The following NAMPT variants were observed in gnomAD, a reference collection of about 807,000 sequenced individuals.
The protein encoded by NAMPT is nicotinamide phosphoribosyltransferase, also known as NAmPRTase.
A neutral mutation model predicts 58.7 loss-of-function variants in NAMPT; 7 were observed. The ratio of observed to expected loss-of-function variants is 0.12; its 90% confidence interval spans 0.07 to 0.22. The LOEUF (loss-of-function observed/expected upper bound fraction) is 0.22, where lower values mean the gene tolerates loss of function less well. NAMPT is among the 10% of genes least tolerant of loss of function. The pLI, the probability that NAMPT is intolerant of heterozygous loss-of-function variation, is 1.00. For missense variants in NAMPT, 271 were observed against 567.9 expected, an observed-to-expected ratio of 0.48 and a Z score of 5.31; for synonymous variants, 145 against 198.1, an observed-to-expected ratio of 0.73 and a Z score of 2.25.
intron 4 of NAMPT, chr7:106,271,771 C>T (rs34056375): frequency 0.28 from 42,648 of 152,142 alleles, 6,849 homozygotes; most frequent in South Asian, 0.45. Flanking sequence ...TTACTTTAAC[C>T]GATAAACTAA....
chr7:106,264,931 A>AT (rs1792382667), intron 6 of NAMPT, among the ~76,000 whole-genome samples: 1 of 151,840 alleles, frequency 6.6e-6, no homozygotes, highest in Non-Finnish European at 1.5e-5. Flanking sequence ...CATACTGTCA[A>AT]TGGTATACCT....
At chr7:106,266,295 T>G (rs1477634057) in intron 6 of NAMPT, among the ~76,000 whole-genome samples, 2 of 152,202 alleles carry the variant, frequency 1.3e-5, no homozygotes, top group African/African-American at 4.8e-5. Flanking sequence ...CCACATACAG[T>G]ATCCTTTTCA....
At chr7:106,260,942 A>G (rs1270381041) in intron 8 of NAMPT, among the ~76,000 whole-genome samples, 1 of 152,194 alleles carries the variant, frequency 6.6e-6, no homozygotes, top group Non-Finnish European at 1.5e-5. Context: ...TAACAGATAT[A>G]ATGACAAAGT....
chr7:106,255,087 T>G (rs1396717133), intron 8 of NAMPT, among the ~76,000 whole-genome samples: 1 of 152,234 alleles, frequency 6.6e-6, no homozygotes, highest in Non-Finnish European at 1.5e-5. Flanking sequence ...AACAAAATTA[T>G]GCACAGGTGC....
upstream of NAMPT, chr7:106,285,039 G>A (rs780301707): frequency 7.9e-6 from 11 of 1,387,196 alleles, no homozygotes; most frequent in South Asian, 1.5e-5. Flanking sequence ...AGGGGTCAGA[G>A]GAGGGCGGGC....
At chr7:106,273,748 A>G (rs1295685533) in intron 3 of NAMPT, among the ~76,000 whole-genome samples, 1 of 152,174 alleles carries the variant, frequency 6.6e-6, no homozygotes, top group Non-Finnish European at 1.5e-5. Context: ...GAAATGGAGC[A>G]AGTACAGGTG....
At chr7:106,263,266 G>T in intron 7 of NAMPT, 126 bp downstream of exon 7, 1 of 684,080 alleles carries the variant, frequency 1.5e-6, no homozygotes. Context: ...TCTCTGGGCT[G>T]CAACTCTAAA....
At chr7:106,285,239 A>C (rs1164556197), upstream of NAMPT, 4 of 956,680 alleles carry the variant, frequency 4.2e-6, no homozygotes, top group Non-Finnish European at 5.2e-6. Flanking sequence ...GACGTGATGC[A>C]CGCGCTCTTC....
At chr7:106,254,535 C>G (rs775970155) in intron 8 of NAMPT, 31 bp from the exon 9 acceptor site, 1 of 1,604,912 alleles carries the variant, frequency 6.2e-7, no homozygotes, top group African/African-American at 1.3e-5. Context: ...AAAACCAAAC[C>G]AAACCTTAAT....
intron 1 of NAMPT, among the ~76,000 whole-genome samples, chr7:106,280,125 C>A (rs1792732665): frequency 6.6e-6 from 1 of 151,968 alleles, no homozygotes; most frequent in Non-Finnish European, 1.5e-5. Flanking sequence ...AAAGGATTAG[C>A]CTAGTGGTGG....
intron 6 of NAMPT, 102 bp from the exon 7 acceptor site, chr7:106,263,719 C>G: frequency 3.4e-6 from 3 of 869,972 alleles, no homozygotes; most frequent in Non-Finnish European, 1.9e-6. Context: ...AAACCATCAA[C>G]ATCACAGAGA....
At chr7:106,251,984 TC>T (rs1167459349) in intron 10 of NAMPT, among the ~76,000 whole-genome samples, 7,443 of 152,156 alleles carry the variant, frequency 0.049, 608 homozygotes, top group African/African-American at 0.17. Context: ...ATCTAATATT[TC>T]TGTCATTGTG....
chr7:106,277,087 C>G lies in NAMPT; in HGVS notation c.150G>C (p.Arg50Ser). ...ATACTGTTTCCTCATATTTCACCTT[C>G]CTTAATTTGGAGTTTTCTGTCTTCT... ...REKKTENSKL[R>S]KVKYEETVFY... The change falls in exon 2 of 11, where the codon AGG (arginine) becomes AGC (serine). Residue 50 changes from arginine to serine, a missense_variant. Arg to Ser is a moderately radical substitution (Grantham distance 110). Transcript: ENST00000222553. 6.2e-7 allele frequency: 1 copy of G among 1,606,288 alleles called. No individual in the cohort carries two copies.
intron 8 of NAMPT, among the ~76,000 whole-genome samples, chr7:106,259,185 G>C (rs745937764): frequency 9.9e-5 from 15 of 152,198 alleles, no homozygotes; most frequent in Non-Finnish European, 1.9e-4. Flanking sequence ...TCATGAGACT[G>C]CAGCAATTCA....
chr7:106,272,150 T>A (rs779847434), intron 4 of NAMPT: 4 of 355,856 alleles, frequency 1.1e-5, no homozygotes, highest in Non-Finnish European at 2.2e-5. Context: ...GAAGTTGGAA[T>A]AAAGTTCCTT....
chr7:106,271,134 G>A (rs1475160325), intron 4 of NAMPT, among the ~76,000 whole-genome samples: 3 of 151,626 alleles, frequency 2.0e-5, no homozygotes, highest in East Asian at 1.9e-4. Flanking sequence ...AGCCATTAAC[G>A]GTCATCTACT....
At chr7:106,271,569 T>C (rs1792533641) in intron 4 of NAMPT, among the ~76,000 whole-genome samples, 1 of 152,216 alleles carries the variant, frequency 6.6e-6, no homozygotes, top group Non-Finnish European at 1.5e-5. Flanking sequence ...CGGTATAGAC[T>C]ATTTAAAACC....
At chr7:106,284,534 C>G (rs1415013325) in intron 1 of NAMPT, 1 of 159,984 alleles carries the variant, frequency 6.3e-6, no homozygotes. Flanking sequence ...CACCGGCGCC[C>G]GGGAGTCCGC....
At chr7:106,251,306 C>T in intron 10 of NAMPT, 113 bp from the exon 11 acceptor site, 1 of 692,264 alleles carries the variant, frequency 1.4e-6, no homozygotes, top group Non-Finnish European at 2.5e-6. Context: ...CAATGGTGTT[C>T]AAATTGTGAG....
Sources: allele counts gnomAD v4.1 joint callset (sites outside exome capture counted in the v4.1 genomes callset), GRCh38; gene constraint gnomAD v4.1.1; transcripts MANE v1.5; gene names NCBI Gene and HGNC (gene_info 2026-07-23, HGNC 2026-07-21).